Variants in TTK observed in about 807,000 individuals in gnomAD.
TTK encodes the protein dual specificity protein kinase TTK.
A neutral mutation model predicts 117.3 loss-of-function variants in TTK; 59 were observed. The ratio of observed to expected loss-of-function variants is 0.50; its 90% CI spans 0.41 to 0.62. The LOEUF is 0.62. Among genes scored for constraint, TTK ranks in the 20% least tolerant of loss-of-function variants. TTK has a pLI of 0.00. For missense variants in TTK, 921 were observed against 989.4 expected, an observed-to-expected ratio of 0.93 and a Z score of 0.93; for synonymous variants, 302 against 325.0, an observed-to-expected ratio of 0.93 and a Z score of 0.76.
At chr6:80,037,711 C>A in intron 17 of TTK, 1 of 177,766 alleles carries the variant, frequency 5.6e-6, no homozygotes, top group Non-Finnish European at 1.2e-5. Flanking sequence ...ATTATGAACC[C>A]AACTCGTTTT....
chr6:80,030,108 A>G (rs1767715984), intron 13 of TTK, among the ~76,000 whole-genome samples: 1 of 152,226 alleles, frequency 6.6e-6, no homozygotes, highest in African/African-American at 2.4e-5. Context: ...TTTTATTTAA[A>G]TAGGAGATTA....
chr6:80,020,053 T>TACATATAAACATATAA (rs143969116), intron 10 of TTK, among the ~76,000 whole-genome samples: 1 of 150,926 alleles, frequency 6.6e-6, no homozygotes, highest in Non-Finnish European at 1.5e-5. Flanking sequence ...TACATGTATG[T>TACATATAAACATATAA]ACATATAAAC....
In TTK at chr6:80,026,379, A is replaced by G. The variant is rs1376319319; in HGVS notation, c.1259A>G (p.Gln420Arg). The G allele has an allele frequency of 6.2e-7, 1 of 1,611,584 alleles. No individual in the cohort carries two copies. Among genetic ancestry groups the G allele is most frequent in the South Asian group, 1.1e-5 (1 of 90,342 alleles). ...PELARKVNTEQKHTTFEQPVF... is the reference protein window; with the variant it reads ...PELARKVNTERKHTTFEQPVF... ...ATGGTGTTCTTTATTTTGTTTTAGC[A>G]GAAACATACCACTTTTGAGCAACCT... Residue 420 changes from glutamine to arginine, a missense_variant and splice_region_variant, in exon 12 of 22, where the codon CAG (glutamine) becomes CGG (arginine). By Grantham distance (43) the Gln-to-Arg change is conservative. Transcript: ENST00000369798.
At chr6:80,009,586 T>A (rs562438415) in intron 4 of TTK, among the ~76,000 whole-genome samples, 21 of 152,094 alleles carry the variant, frequency 1.4e-4, no homozygotes, top group Non-Finnish European at 2.6e-4. Context: ...AAATTTTACA[T>A]GTTTAGAACA....
At position 80,010,970 on chromosome 6, in the gene TTK, G is replaced by A. The variant is rs375358287; in HGVS notation, c.613+13G>A. On this transcript the variant is annotated intron_variant, in intron 5 of 21. Transcript: ENST00000369798. ...AAGAATTTATCAGGTAACTATTAAG[G>A]TATACTAATACTTTCTGTGGTAGGT... 150 of 1,608,694 alleles carry A rather than the reference G, an allele frequency of 9.3e-5. No individual in the cohort carries two copies. In the African/African-American group the frequency reaches 1.8e-3, roughly 20 times the overall value.
Position 80,026,506 on chromosome 6 carries a change from C to A in TTK, c.1386C>A (p.Tyr462Ter), listed in dbSNP as rs1482131782. 6.2e-7 allele frequency: 1 copy of A among 1,613,602 alleles called. No individual in the cohort carries two copies. Among genetic ancestry groups the A allele is most frequent in the Admixed American group, 1.7e-5 (1 of 59,968 alleles). The change falls in exon 12 of 22, where the codon TAC becomes TAA. Residue 462 changes from tyrosine to a stop codon, truncating the protein, a stop_gained. Coordinates refer to ENST00000369798, the MANE Select transcript of TTK (RefSeq NM_003318.5). LOFTEE classifies it high-confidence loss of function. ...KTPSSNTLDD[Y>*]MSCFRTPVVK... is the part of the protein sequence containing the mutation. ...CAAGCAGCAATACCTTGGATGATTA[C>A]ATGAGCTGGTAATTACTTTGGCCCC...
At chr6:80,035,966 C>T (rs894674614) in intron 16 of TTK, among the ~76,000 whole-genome samples, 10 of 152,004 alleles carry the variant, frequency 6.6e-5, no homozygotes, top group African/African-American at 1.5e-4. Context: ...TCCTCCTCAT[C>T]TCTCTCTCTT....
In TTK at chr6:80,036,524, A is replaced by C. The variant is rs570276567; in HGVS notation, c.1974A>C (p.Gly658=). 2 of 1,611,840 alleles carry C rather than the reference A, an allele frequency of 1.2e-6. No individual in the cohort carries two copies. The highest frequency in any genetic ancestry group is 4.5e-5 in the East Asian group (2 of 44,738). ...CAGCTAACTTTCTGATAGTTGATGG[A>C]ATGCTAAAGCTAATTGATTTTGGGA... ...LKPANFLIVD[G]MLKLIDFGIA... The change falls in exon 17 of 22, where the codon GGA becomes GGC. Residue 658 remains glycine (G), a synonymous_variant. Coordinates refer to ENST00000369798, the MANE Select transcript of TTK (RefSeq NM_003318.5).
chr6:80,031,893 G>A (rs913650351), intron 14 of TTK, among the ~76,000 whole-genome samples: 1 of 152,174 alleles, frequency 6.6e-6, no homozygotes, highest in South Asian at 2.1e-4. Context: ...AGAATGTGAT[G>A]TAAATTGCTA....
At chr6:80,028,825 G>T (rs1323134362) in intron 13 of TTK, among the ~76,000 whole-genome samples, 1 of 152,132 alleles carries the variant, frequency 6.6e-6, no homozygotes, top group Non-Finnish European at 1.5e-5. Context: ...CTGTCCTAGA[G>T]GCAGCTTAAT....
chr6:80,028,509 G>C (rs1767669262), intron 13 of TTK, among the ~76,000 whole-genome samples: 1 of 151,432 alleles, frequency 6.6e-6, no homozygotes, highest in African/African-American at 2.4e-5. Context: ...CTAGAGACAG[G>C]GTTTCACCAT....
chr6:80,009,668 A>G (rs1767092104), intron 4 of TTK, among the ~76,000 whole-genome samples: 1 of 152,064 alleles, frequency 6.6e-6, no homozygotes, highest in Non-Finnish European at 1.5e-5. Flanking sequence ...CTTTATCTGC[A>G]ATGTGGTAGT....
At chr6:80,027,829 C>G in intron 12 of TTK, 56 bp from the exon 13 acceptor site, 2 of 1,327,120 alleles carry the variant, frequency 1.5e-6, no homozygotes, top group Non-Finnish European at 2.0e-6. Context: ...GAAACTGAAT[C>G]AGACTTATTT....
intron 1 of TTK, among the ~76,000 whole-genome samples, 200 bp from the exon 2 acceptor site, chr6:80,005,642 T>G (rs1766970884): frequency 6.6e-6 from 1 of 152,236 alleles, no homozygotes; most frequent in African/African-American, 2.4e-5. Flanking sequence ...ACTTGGCCTA[T>G]GAAACCTTGG....
At chr6:80,011,293 A>G (rs1767140822) in intron 5 of TTK, 141 bp from the exon 6 acceptor site, 2 of 532,544 alleles carry the variant, frequency 3.8e-6, no homozygotes, top group Non-Finnish European at 3.2e-6. Flanking sequence ...TTATCTTGGT[A>G]TCATCTTCAT....
chr6:80,035,587 A>C (rs568068155), intron 16 of TTK, among the ~76,000 whole-genome samples, 170 bp downstream of exon 16: 1 of 152,244 alleles, frequency 6.6e-6, no homozygotes, highest in East Asian at 1.9e-4. Context: ...TTCTTAAAAC[A>C]CCGTTAACCC....
intron 2 of TTK, 152 bp downstream of exon 2, chr6:80,006,134 G>A: frequency 1.0e-6 from 1 of 983,646 alleles, no homozygotes; most frequent in Non-Finnish European, 1.5e-6. Context: ...CAGGGTTTTT[G>A]TCTGTTATAT....
At chr6:80,012,086 T>A (rs1259865082) in intron 8 of TTK, 106 bp downstream of exon 8, 2 of 864,782 alleles carry the variant, frequency 2.3e-6, no homozygotes, top group East Asian at 5.5e-5. Context: ...ATTAAATTTT[T>A]ATTCAGTTTT....
chr6:80,018,756 C>T (rs1156511764), intron 10 of TTK, among the ~76,000 whole-genome samples: 3 of 151,636 alleles, frequency 2.0e-5, no homozygotes, highest in African/African-American at 4.8e-5. Context: ...AGGTGCCATT[C>T]TTGTCTCATT....
Sources: allele counts gnomAD v4.1 joint callset (sites outside exome capture counted in the v4.1 genomes callset), GRCh38; gene constraint gnomAD v4.1.1; transcripts MANE v1.5; gene names NCBI Gene and HGNC (gene_info 2026-07-23, HGNC 2026-07-21).